FBXW7: variants seen among roughly 807,000 people sequenced by gnomAD.
FBXW7 encodes F-box and WD repeat domain containing 7.
A neutral mutation model predicts 86.3 loss-of-function variants in FBXW7; 11 were observed. That is an observed-to-expected ratio of 0.13 (90% CI 0.08 to 0.21). The LOEUF (loss-of-function observed/expected upper bound fraction) is 0.21. Ranked by LOEUF, FBXW7 falls within the 10% of genes least tolerant of loss-of-function variation. The pLI, the probability that FBXW7 is intolerant of heterozygous loss-of-function variation, is 1.00. For synonymous variants in FBXW7, 313 were observed against 297.9 expected, an observed-to-expected ratio of 1.05 and a Z score of -0.52; for missense variants, 488 against 847.4, an observed-to-expected ratio of 0.58 and a Z score of 5.27.
intron 4 of FBXW7, among the ~76,000 whole-genome samples, chr4:152,408,315 T>C (rs889213761): frequency 6.6e-6 from 1 of 152,190 alleles, no homozygotes; most frequent in African/African-American, 2.4e-5. Context: ...TTCTTCAATA[T>C]GAGCTGGGCA....
In FBXW7 at chr4:152,360,641, T is replaced by A. The variant is rs967801119; in HGVS notation, c.502-10517A>T. On this transcript the variant is annotated intron_variant, in intron 4 of 13. Coordinates refer to ENST00000281708, the MANE Select transcript of FBXW7 (RefSeq NM_001349798.2). ...AGAACAGACTTCACTATAGAGCATT[T>A]TGAAGTCTCAGAAACCGTTCATCAG... Among the ~76,000 whole-genome samples, 4 of 152,150 alleles carry A rather than the reference T, an allele frequency of 2.6e-5. No homozygotes were observed. The South Asian group carries it at 8.3e-4, about 32-fold the overall frequency.
chr4:152,448,002 T>C (rs1309711098), intron 2 of FBXW7, among the ~76,000 whole-genome samples: 2 of 152,212 alleles, frequency 1.3e-5, no homozygotes, highest in African/African-American at 4.8e-5. Context: ...AATGAAATAA[T>C]ATATAATCTC....
chr4:152,442,883 T>A (rs144487597), intron 2 of FBXW7, among the ~76,000 whole-genome samples: 1 of 152,218 alleles, frequency 6.6e-6, no homozygotes, highest in Non-Finnish European at 1.5e-5. Context: ...GGAAAGCTTA[T>A]AATAGTTTCA....
intron 6 of FBXW7, among the ~76,000 whole-genome samples, chr4:152,346,165 G>A (rs952259991): frequency 1.3e-5 from 2 of 152,028 alleles, no homozygotes; most frequent in Non-Finnish European, 2.9e-5. Flanking sequence ...AATATTCAGG[G>A]TTTGGTTGTA....
chr4:152,390,840 G>A, intron 4 of FBXW7, among the ~76,000 whole-genome samples: 1 of 151,802 alleles, frequency 6.6e-6, no homozygotes, highest in Admixed American at 6.6e-5. Context: ...TTAAAATACA[G>A]TAAGTAATTG....
chr4:152,412,091 C>G (rs757553143), intron 3 of FBXW7, among the ~76,000 whole-genome samples: 3 of 152,076 alleles, frequency 2.0e-5, no homozygotes, highest in South Asian at 2.1e-4. Context: ...GTAAACAACA[C>G]TAATCCCTTT....
chr4:152,368,769 T>C (rs953329230), intron 4 of FBXW7, among the ~76,000 whole-genome samples: 4 of 152,124 alleles, frequency 2.6e-5, no homozygotes, highest in African/African-American at 9.7e-5. Context: ...TTAATTCTTA[T>C]ATAGCGATTT....
chr4:152,363,298 A>G (rs1578997356), intron 4 of FBXW7, among the ~76,000 whole-genome samples: 1 of 152,210 alleles, frequency 6.6e-6, no homozygotes, highest in African/African-American at 2.4e-5. Flanking sequence ...ACCACATTTT[A>G]GAAATATTTG....
chr4:152,492,583 T>G (rs528364918), intron 2 of FBXW7, among the ~76,000 whole-genome samples: 16 of 152,366 alleles, frequency 1.1e-4, no homozygotes, highest in Admixed American at 5.2e-4. Flanking sequence ...GTTTTAGTGA[T>G]TATTTTATGG....
At chr4:152,477,836 C>T (rs1003320262) in intron 2 of FBXW7, among the ~76,000 whole-genome samples, 11 of 152,010 alleles carry the variant, frequency 7.2e-5, no homozygotes, top group Non-Finnish European at 4.4e-5. Flanking sequence ...ATTGTTGACT[C>T]TGTATATCTT....
intron 7 of FBXW7, among the ~76,000 whole-genome samples, chr4:152,335,671 TTTTA>T (rs1730006037): frequency 6.6e-6 from 1 of 152,248 alleles, no homozygotes; most frequent in South Asian, 2.1e-4. Flanking sequence ...TAAGAATTGC[TTTTA>T]TTTTTCTCTA....
At chr4:152,470,695 C>G (rs1743872510) in intron 2 of FBXW7, among the ~76,000 whole-genome samples, 1 of 151,952 alleles carries the variant, frequency 6.6e-6, no homozygotes, top group Non-Finnish European at 1.5e-5. Context: ...CAATTTATTT[C>G]AAAAATCTAG....
At chr4:152,476,109 G>GT (rs771715986) in intron 2 of FBXW7, among the ~76,000 whole-genome samples, 13 of 152,114 alleles carry the variant, frequency 8.5e-5, no homozygotes, top group Non-Finnish European at 1.2e-4. Flanking sequence ...AGGCAATGAT[G>GT]TATTAGCAAG....
chr4:152,426,345 G>C (rs1011229666), intron 2 of FBXW7, among the ~76,000 whole-genome samples: 5 of 143,766 alleles, frequency 3.5e-5, no homozygotes, highest in Non-Finnish European at 7.5e-5. Flanking sequence ...AGAGATAATG[G>C]CTACAAACTT....
chr4:152,368,089 T>C (rs540913146), intron 4 of FBXW7, among the ~76,000 whole-genome samples: 1 of 152,180 alleles, frequency 6.6e-6, no homozygotes, highest in Non-Finnish European at 1.5e-5. Flanking sequence ...GAATGATTTT[T>C]AACGCACTCT....
chr4:152,372,096 A>C (rs1282430764), intron 4 of FBXW7, among the ~76,000 whole-genome samples: 1 of 152,048 alleles, frequency 6.6e-6, no homozygotes, highest in Non-Finnish European at 1.5e-5. Flanking sequence ...GTCTATTAGC[A>C]TGAGCTGTAT....
chr4:152,531,727 C>T (rs1024302269), intron 2 of FBXW7, among the ~76,000 whole-genome samples: 5 of 152,046 alleles, frequency 3.3e-5, no homozygotes, highest in African/African-American at 1.2e-4. Flanking sequence ...CAAGACCAAA[C>T]GTAGGATAAT....
chr4:152,444,429 C>G (rs1416333895), intron 2 of FBXW7, among the ~76,000 whole-genome samples: 4 of 152,060 alleles, frequency 2.6e-5, no homozygotes, highest in Admixed American at 1.3e-4. Context: ...AGTCTTCCTG[C>G]GAATCTGAGT....
rs370641039 is a variant in FBXW7, at chr4:152,462,234, A to G, written c.-119-49705T>C. Among the ~76,000 whole-genome samples, 5 of 152,110 alleles carry G rather than the reference A, an allele frequency of 3.3e-5. No homozygotes were observed. The East Asian group carries it at 7.7e-4, about 23-fold the overall frequency. On this transcript the variant is annotated intron_variant, in intron 2 of 13. Transcript: ENST00000281708. ...TCTTGCTTTCAGTGTTTGTTCCCTAAATTTTAACTCTTCTGTCAACAATAT... is the reference window on the plus strand; with the variant it reads ...TCTTGCTTTCAGTGTTTGTTCCCTAGATTTTAACTCTTCTGTCAACAATAT...
Sources: allele counts gnomAD v4.1 joint callset (sites outside exome capture counted in the v4.1 genomes callset), GRCh38; gene constraint gnomAD v4.1.1; transcripts MANE v1.5; gene names NCBI Gene and HGNC (gene_info 2026-07-23, HGNC 2026-07-21).